The following RTL4 variants were observed in gnomAD, a reference collection of about 807,000 sequenced individuals.
The protein encoded by RTL4 is retrotransposon Gag-like protein 4.
RTL4 carries 4 observed loss-of-function variants against 5.3 expected under a neutral mutation model. That is an observed-to-expected ratio of 0.75 (90% confidence interval 0.37 to 1.72). The LOEUF (loss-of-function observed/expected upper bound fraction) is 1.72. RTL4 is among the 40% of genes most tolerant of loss of function. The pLI is 0.04. For synonymous variants in RTL4, 98 were observed against 87.3 expected, an observed-to-expected ratio of 1.12 and a Z score of -0.68; for missense variants, 260 against 227.1, an observed-to-expected ratio of 1.14 and a Z score of -0.93.
chrX:112,207,396 C>G, the RTL4 span, among the ~76,000 whole-genome samples: 1 of 111,978 alleles, frequency 8.9e-6, no homozygotes, highest in South Asian at 3.7e-4. Flanking sequence ...TCCCATTACC[C>G]TATTTTATTT....
At chrX:112,311,062 A>G in the RTL4 span, among the ~76,000 whole-genome samples, 9 of 106,972 alleles carry the variant, frequency 8.4e-5, no homozygotes, top group African/African-American at 3.1e-4. Context: ...GGCCTGTGTA[A>G]GTAGCTACAA....
At chrX:112,327,856 A>G in the RTL4 span, among the ~76,000 whole-genome samples, 3 of 111,543 alleles carry the variant, frequency 2.7e-5, no homozygotes, top group African/African-American at 9.8e-5. Context: ...AATATTCAAC[A>G]TTCTTAAAGA....
the RTL4 span, among the ~76,000 whole-genome samples, chrX:112,134,724 G>C: frequency 1.8e-5 from 2 of 111,782 alleles, no homozygotes; most frequent in East Asian, 5.6e-4. Flanking sequence ...TTTCCTCCTA[G>C]CCCTCAGAAA....
chrX:112,261,188 C>T, the RTL4 span, among the ~76,000 whole-genome samples: 3 of 111,246 alleles, frequency 2.7e-5, no homozygotes, highest in African/African-American at 9.8e-5. Context: ...GAAGTTCTGA[C>T]CACGGAAATC....
At chrX:112,249,786 T>TAG in the RTL4 span, among the ~76,000 whole-genome samples, 417 of 90,861 alleles carry the variant, frequency 4.6e-3, 2 homozygotes, top group African/African-American at 0.016. Context: ...ATTATATATA[T>TAG]ATATATAGAG....
At chrX:112,430,168 C>T in the RTL4 span, among the ~76,000 whole-genome samples, 1 of 111,087 alleles carries the variant, frequency 9.0e-6, no homozygotes, top group Non-Finnish European at 1.9e-5. Context: ...TTCTGGTATT[C>T]TCATTACATA....
chrX:112,277,657 G>T, the RTL4 span, among the ~76,000 whole-genome samples: 3 of 111,592 alleles, frequency 2.7e-5, no homozygotes, highest in African/African-American at 9.8e-5. Context: ...AAGGAAGATT[G>T]ATTGAAAGCT....
chrX:112,126,043 A>G, the RTL4 span, among the ~76,000 whole-genome samples: 4 of 111,573 alleles, frequency 3.6e-5, no homozygotes, highest in Non-Finnish European at 7.5e-5. Context: ...AAAGTGAATC[A>G]TAAGAGGCTA....
the RTL4 span, among the ~76,000 whole-genome samples, chrX:112,443,507 C>T: frequency 9.0e-6 from 1 of 111,615 alleles, no homozygotes; most frequent in African/African-American, 3.3e-5. Flanking sequence ...TTGAAGAACC[C>T]CCAAGCTGTT....
At chrX:112,118,510 C>T in the RTL4 span, among the ~76,000 whole-genome samples, 1 of 112,000 alleles carries the variant, frequency 8.9e-6, no homozygotes, top group African/African-American at 3.2e-5. Context: ...AAGGAAGCCA[C>T]AGTCTTCTAT....
chrX:112,164,461 C>T, the RTL4 span, among the ~76,000 whole-genome samples: 2 of 111,992 alleles, frequency 1.8e-5, no homozygotes, highest in South Asian at 3.7e-4. Context: ...AATCTCAATA[C>T]TTTAGTCAGC....
At chrX:112,232,504 G>C in the RTL4 span, among the ~76,000 whole-genome samples, 2 of 111,770 alleles carry the variant, frequency 1.8e-5, no homozygotes, top group African/African-American at 6.5e-5. Flanking sequence ...GAGTTTATTT[G>C]ACTCTTAGTG....
chrX:112,262,212 G>A, the RTL4 span, among the ~76,000 whole-genome samples: 7 of 111,982 alleles, frequency 6.3e-5, no homozygotes, highest in Non-Finnish European at 5.6e-5. Flanking sequence ...TTAAACTAAA[G>A]AGCTTCTCCA....
chrX:112,395,921 A>T, the RTL4 span, among the ~76,000 whole-genome samples: 2 of 111,204 alleles, frequency 1.8e-5, no homozygotes, highest in Non-Finnish European at 3.8e-5. Flanking sequence ...TTGGTGAGGG[A>T]TATTCTTATG....
At chrX:112,330,922 A>C in the RTL4 span, among the ~76,000 whole-genome samples, 2 of 111,039 alleles carry the variant, frequency 1.8e-5, no homozygotes, top group Non-Finnish European at 3.8e-5. Context: ...TTCCCTATTT[A>C]ATAAATGGTG....
the RTL4 span, among the ~76,000 whole-genome samples, chrX:112,227,118 A>T: frequency 4.1e-4 from 45 of 110,996 alleles, no homozygotes; most frequent in African/African-American, 1.5e-3. Flanking sequence ...TTGGTGATTC[A>T]GCCTCACCCC....
At chrX:112,119,388 G>A in the RTL4 span, among the ~76,000 whole-genome samples, 1 of 110,377 alleles carries the variant, frequency 9.1e-6, no homozygotes, top group African/African-American at 3.3e-5. Flanking sequence ...GATTTGTGAG[G>A]GAGTATGCTT....
the RTL4 span, among the ~76,000 whole-genome samples, chrX:112,359,642 C>T: frequency 1.8e-5 from 2 of 110,984 alleles, no homozygotes; most frequent in Admixed American, 1.9e-4. Flanking sequence ...ACTTTCATTC[C>T]CCTATCTCTT....
chrX:112,264,382 G>T, the RTL4 span, among the ~76,000 whole-genome samples: 2 of 111,158 alleles, frequency 1.8e-5, no homozygotes, highest in African/African-American at 6.5e-5. Context: ...CACTGTAGGT[G>T]CCAAGACTTT....
Sources: gnomAD v4.1 joint callset for allele counts (sites outside exome capture counted in the v4.1 genomes callset) on GRCh38, gnomAD v4.1.1 for gene constraint, MANE v1.5 for transcripts, NCBI Gene and HGNC (gene_info 2026-07-23, HGNC 2026-07-21) for gene names.